Variants in RAP1GAP2 observed in about 807,000 individuals in gnomAD.
The protein encoded by RAP1GAP2 is rap1 GTPase-activating protein 2.
In RAP1GAP2, 27 loss-of-function variants were observed where a neutral mutation model predicts 95.0. The observed-to-expected ratio is 0.28, with a 90% CI of 0.21 to 0.39. The LOEUF (loss-of-function observed/expected upper bound fraction) is 0.39, where lower values mean the gene tolerates loss of function less well. Among genes scored for constraint, RAP1GAP2 ranks in the 10% least tolerant of loss-of-function variants. RAP1GAP2 has a pLI of 1.00. For synonymous variants in RAP1GAP2, 373 were observed against 380.9 expected (o/e 0.98, Z 0.24); for missense variants, 771 against 970.0 (o/e 0.79, Z 2.72).
chr17:2,972,598 C>CAA (rs35539479), intron 8 of RAP1GAP2, among the ~76,000 whole-genome samples: 5,527 of 84,418 alleles, frequency 0.065, 510 homozygotes, highest in East Asian at 0.26. Flanking sequence ...AAGTCCTTCT[C>CAA]AAAAAAAAAA....
chr17:2,913,737 C>T (rs2042469332), intron 3 of RAP1GAP2, among the ~76,000 whole-genome samples: 1 of 152,344 alleles, frequency 6.6e-6, no homozygotes. Flanking sequence ...GTGAGCCATA[C>T]CTTGATCAAG....
At chr17:2,875,277 G>C (rs2073045463) in intron 2 of RAP1GAP2, among the ~76,000 whole-genome samples, 1 of 152,174 alleles carries the variant, frequency 6.6e-6, no homozygotes, top group African/African-American at 2.4e-5. Flanking sequence ...ATGTTGGCCA[G>C]GCTGGTCTCG....
intron 10 of RAP1GAP2, among the ~76,000 whole-genome samples, chr17:2,983,161 G>C (rs1567855159): frequency 1.3e-5 from 2 of 152,316 alleles, no homozygotes; most frequent in African/African-American, 2.4e-5. Flanking sequence ...GCAGATTCCG[G>C]CCAATAAGTC....
At chr17:2,995,561 AT>A (rs2045922129) in intron 13 of RAP1GAP2, 95 bp downstream of exon 13, 1 of 1,509,182 alleles carries the variant, frequency 6.6e-7, no homozygotes, top group Non-Finnish European at 9.0e-7. Flanking sequence ...CCGTCCCCAT[AT>A]TCGTTCCCGT....
At position 2,858,332 on chromosome 17, in the gene RAP1GAP2, T is replaced by G. The variant is rs114383760; in HGVS notation, c.81-46952T>G. On this transcript the variant is annotated intron_variant, in intron 2 of 24. Transcript: ENST00000254695. Reference sequence around the variant, plus strand: ...GGGGAGAGCTCGAATCTGATGAATGTGATCCCTTTGTTGTGGAGTATCATA... The same window carrying G: ...GGGGAGAGCTCGAATCTGATGAATGGGATCCCTTTGTTGTGGAGTATCATA... 4.1e-3 allele frequency among the ~76,000 whole-genome samples: 622 copies of G among 152,304 alleles called. 7 individuals are homozygous for G. Among genetic ancestry groups the G allele is most frequent in the African/African-American group, 0.014 (578 of 41,582 alleles).
At chr17:2,815,536 C>A (rs973099945) in intron 2 of RAP1GAP2, among the ~76,000 whole-genome samples, 27 of 151,192 alleles carry the variant, frequency 1.8e-4, no homozygotes, top group Admixed American at 3.3e-4. Flanking sequence ...GGCTGGATTG[C>A]AGTGGCATAA....
intron 1 of RAP1GAP2, among the ~76,000 whole-genome samples, chr17:2,756,743 C>T (rs2071154932): frequency 6.6e-6 from 1 of 152,144 alleles, no homozygotes; most frequent in Non-Finnish European, 1.5e-5. Context: ...TGGGCTTCCC[C>T]AGCACCTCCC....
At chr17:2,968,243 A>G (rs901258775) in intron 8 of RAP1GAP2, among the ~76,000 whole-genome samples, 1 of 152,204 alleles carries the variant, frequency 6.6e-6, no homozygotes, top group Non-Finnish European at 1.5e-5. Context: ...ATAATAAAAT[A>G]AAAATGGACA....
At chr17:2,966,344 C>T (rs2044598538) in intron 8 of RAP1GAP2, among the ~76,000 whole-genome samples, 1 of 152,198 alleles carries the variant, frequency 6.6e-6, no homozygotes, top group African/African-American at 2.4e-5. Flanking sequence ...ATGATTTTAG[C>T]AATATGCACA....
chr17:2,797,932 G>A lies in RAP1GAP2; in HGVS notation c.44+1361G>A. The A allele has an allele frequency of 5.4e-6, 2 of 367,614 alleles. No individual in the cohort carries two copies. Among genetic ancestry groups the A allele is most frequent in the Non-Finnish European group, 7.5e-6 (2 of 265,498 alleles). The allele number at this position is 367,614 out of a possible 1,614,324, so 22.8% of individuals were successfully genotyped here. ...TTTCTCTGGGAGGTGTGGAGCAGAT[G>A]GAAGGCTGGTCGCCAGAAAGCTCCG... On this transcript the variant is annotated intron_variant, in intron 1 of 24. Coordinates refer to ENST00000254695, the MANE Select transcript of RAP1GAP2 (RefSeq NM_015085.5). This position sits in a 1 kb window ranked among gnomAD's most constrained non-coding sequence, Gnocchi z 5.6.
intron 8 of RAP1GAP2, among the ~76,000 whole-genome samples, chr17:2,973,060 T>G (rs1341685732): frequency 6.6e-6 from 1 of 152,082 alleles, no homozygotes; most frequent in East Asian, 1.9e-4. Flanking sequence ...GAAGGCAATG[T>G]GGAGGGTGTG....
At chr17:2,861,175 C>T (rs945216762) in intron 2 of RAP1GAP2, among the ~76,000 whole-genome samples, 49 of 152,032 alleles carry the variant, frequency 3.2e-4, no homozygotes, top group African/African-American at 1.1e-3. Flanking sequence ...CAAAAGGCCT[C>T]CCCTGACGAT....
chr17:2,863,924 T>C (rs1375910413), intron 2 of RAP1GAP2, among the ~76,000 whole-genome samples: 1 of 151,854 alleles, frequency 6.6e-6, no homozygotes, highest in Non-Finnish European at 1.5e-5. Flanking sequence ...TGGTGGTGGG[T>C]GCCTGTAATC....
rs534645593 is a variant in RAP1GAP2 at position 2,835,082 on chromosome 17, G to T, written c.80+34532G>T. On this transcript the variant is annotated intron_variant, in intron 2 of 24. Transcript: ENST00000254695. Reference sequence around the variant, plus strand: ...CTACAGGCGCCCGCCACCACACCTGGCTAATTTTTTTTTGTATTTTTAGTA... The same window carrying T: ...CTACAGGCGCCCGCCACCACACCTGTCTAATTTTTTTTTGTATTTTTAGTA... Among the ~76,000 whole-genome samples, 450 of 109,822 alleles carry T rather than the reference G, an allele frequency of 4.1e-3. 2 individuals carry two copies. The highest frequency in any genetic ancestry group is 0.013 in the African/African-American group (414 of 32,526). 72.0% of individuals were successfully genotyped at this position (109,822 alleles called of 152,430 possible).
intron 1 of RAP1GAP2, among the ~76,000 whole-genome samples, chr17:2,780,322 G>A (rs867838728): frequency 2.9e-4 from 44 of 152,324 alleles, no homozygotes; most frequent in South Asian, 1.4e-3. Flanking sequence ...AAGTGCTGGG[G>A]TGACAGGCGG....
intron 3 of RAP1GAP2, among the ~76,000 whole-genome samples, chr17:2,943,712 G>A (rs1241172908): frequency 2.6e-5 from 4 of 151,926 alleles, no homozygotes; most frequent in Non-Finnish European, 4.4e-5. Flanking sequence ...ACAAAAACGT[G>A]TACTAAAGAC....
chr17:2,826,237 T>C (rs9674749), intron 2 of RAP1GAP2, among the ~76,000 whole-genome samples: 3 of 146,958 alleles, frequency 2.0e-5, no homozygotes, highest in South Asian at 2.2e-4. Flanking sequence ...CCTCGTGATC[T>C]CCCCGCCTCG....
intron 18 of RAP1GAP2, among the ~76,000 whole-genome samples, chr17:3,018,603 T>G (rs996043721): frequency 1.3e-5 from 2 of 152,168 alleles, no homozygotes; most frequent in African/African-American, 4.8e-5. Context: ...CCACCCCAGC[T>G]TACTGTGTAC....
At chr17:2,788,057 T>C (rs892384211) in intron 1 of RAP1GAP2, among the ~76,000 whole-genome samples, 3 of 152,228 alleles carry the variant, frequency 2.0e-5, no homozygotes, top group African/African-American at 4.8e-5. Flanking sequence ...GATTAACATC[T>C]GTATACATAG....
Sources: gnomAD v4.1 joint callset for allele counts (sites outside exome capture counted in the v4.1 genomes callset) on GRCh38, gnomAD v4.1.1 for gene constraint, Gnocchi (gnomAD v3.1) non-coding constraint, MANE v1.5 for transcripts, NCBI Gene and HGNC (gene_info 2026-07-23, HGNC 2026-07-21) for gene names.